Variants in CADM2 observed in about 807,000 individuals in gnomAD.
The protein encoded by CADM2 is cell adhesion molecule 2, also known as immunoglobulin superfamily member 4D.
In CADM2, 12 loss-of-function variants were observed where a neutral mutation model predicts 49.8. That is an observed-to-expected ratio of 0.24 (90% CI 0.15 to 0.39). The LOEUF is 0.39. Ranked by LOEUF, CADM2 falls within the 10% of genes least tolerant of loss-of-function variation. The pLI is 1.00. For missense variants in CADM2, 378 were observed against 492.3 expected, an observed-to-expected ratio of 0.77 and a Z score of 2.20; for synonymous variants, 214 against 175.4, an observed-to-expected ratio of 1.22 and a Z score of -1.74.
intron 1 of CADM2, among the ~76,000 whole-genome samples, chr3:84,993,928 A>C (rs1320020085): frequency 6.6e-6 from 1 of 152,058 alleles, no homozygotes; most frequent in African/African-American, 2.4e-5. Context: ...TTAGTGATAC[A>C]CCCCCAAAAT....
intron 1 of CADM2, among the ~76,000 whole-genome samples, chr3:85,320,700 A>C (rs577290969): frequency 6.6e-6 from 1 of 152,256 alleles, no homozygotes; most frequent in South Asian, 2.1e-4. Context: ...TTCCAATGTC[A>C]GCAATCCCTT....
intron 6 of CADM2, among the ~76,000 whole-genome samples, chr3:85,925,639 T>C (rs1164938298): frequency 6.6e-6 from 1 of 152,128 alleles, no homozygotes; most frequent in Admixed American, 6.5e-5. Context: ...GAGGTGTGGA[T>C]TGAGTTTGAT....
At chr3:85,947,399 C>CTG (rs1013180033) in intron 7 of CADM2, among the ~76,000 whole-genome samples, 5 of 150,726 alleles carry the variant, frequency 3.3e-5, no homozygotes, top group African/African-American at 1.2e-4. Flanking sequence ...GTGTGTGTGT[C>CTG]TGTGTGTGTG....
chr3:85,449,335 C>T (rs1030435186), intron 1 of CADM2, among the ~76,000 whole-genome samples: 2 of 151,484 alleles, frequency 1.3e-5, no homozygotes, highest in African/African-American at 2.4e-5. Flanking sequence ...TGAAATAGCT[C>T]CTGAAAGTTT....
At chr3:84,984,046 TATACACACACACAC>T (rs1321847400) in intron 1 of CADM2, among the ~76,000 whole-genome samples, 2 of 115,638 alleles carry the variant, frequency 1.7e-5, no homozygotes, top group Non-Finnish European at 3.7e-5. Flanking sequence ...TATATATATA[TATACACACACACAC>T]ACACACACAC....
At chr3:85,749,423 A>C (rs1388552435) in intron 2 of CADM2, among the ~76,000 whole-genome samples, 4 of 152,032 alleles carry the variant, frequency 2.6e-5, no homozygotes. Flanking sequence ...CTTTCACAGC[A>C]TAACCCATTT....
rs577082714 is a variant in CADM2, at chr3:85,964,985, T to C, written c.970+3338T>C. Among the ~76,000 whole-genome samples the C allele has an allele frequency of 6.1e-4, 93 of 151,664 alleles. 1 individual carries two copies. Among genetic ancestry groups the C allele is most frequent in the African/African-American group, 2.0e-3 (83 of 41,496 alleles). On this transcript the variant is annotated intron_variant, in intron 8 of 9. Transcript: ENST00000383699. ...TCTTGACCCATTGCTATTCTTAACA[T>C]GTGAAGAACTAGGATCAAGATAAAA...
chr3:85,156,546 A>G (rs1026586213), intron 1 of CADM2, among the ~76,000 whole-genome samples: 3 of 152,062 alleles, frequency 2.0e-5, no homozygotes, highest in Admixed American at 6.5e-5. Context: ...TACCAGAGGT[A>G]CAAGGAGGAA....
chr3:85,409,027 C>G (rs1042353118), intron 1 of CADM2, among the ~76,000 whole-genome samples: 1 of 152,114 alleles, frequency 6.6e-6, no homozygotes, highest in East Asian at 1.9e-4. Flanking sequence ...TCACTACATT[C>G]TCAGTAGTGA....
At chr3:85,584,417 C>T (rs545535808) in intron 1 of CADM2, among the ~76,000 whole-genome samples, 1 of 152,086 alleles carries the variant, frequency 6.6e-6, no homozygotes, top group African/African-American at 2.4e-5. Flanking sequence ...TAATATTATG[C>T]TACCCGTTTA....
At chr3:85,843,904 G>GA (rs1270469575) in intron 3 of CADM2, among the ~76,000 whole-genome samples, 2 of 151,610 alleles carry the variant, frequency 1.3e-5, no homozygotes, top group Non-Finnish European at 2.9e-5. Context: ...GTGTGGGGGG[G>GA]GAGCGGTTAC....
rs1039500650 is a variant in CADM2, at chr3:85,291,736, G to T, written c.61+332068G>T. 6.8e-5 allele frequency among the ~76,000 whole-genome samples: 10 copies of T among 147,444 alleles called. 2 individuals carry two copies. The highest frequency in any genetic ancestry group is 2.7e-4 in the African/African-American group (10 of 37,092). On this transcript the variant is annotated intron_variant, in intron 1 of 9. Transcript: ENST00000383699. ...TAAAATACTTTACAGACAAGCAAAT[G>T]CTGAGAGATTTTGTCACCACCCGGC...
intron 1 of CADM2, among the ~76,000 whole-genome samples, chr3:85,014,277 T>C (rs535181180): frequency 3.0e-4 from 45 of 151,136 alleles, no homozygotes; most frequent in Non-Finnish European, 5.9e-4. Context: ...ATAATATGTT[T>C]AGAGAAAAAG....
At chr3:85,575,526 G>C (rs2062606306) in intron 1 of CADM2, among the ~76,000 whole-genome samples, 1 of 152,088 alleles carries the variant, frequency 6.6e-6, no homozygotes, top group South Asian at 2.1e-4. Flanking sequence ...ACTCCAGCCT[G>C]GGCGACAGAG....
At chr3:85,676,687 T>C (rs1312790153) in intron 1 of CADM2, among the ~76,000 whole-genome samples, 1 of 152,158 alleles carries the variant, frequency 6.6e-6, no homozygotes, top group Non-Finnish European at 1.5e-5. Context: ...AGCCTATTCA[T>C]TAAAAAAACA....
intron 3 of CADM2, among the ~76,000 whole-genome samples, chr3:85,841,663 C>A (rs911049124): frequency 6.6e-6 from 1 of 151,948 alleles, no homozygotes; most frequent in Non-Finnish European, 1.5e-5. Context: ...GACACAATAT[C>A]TGTAGCACAC....
intron 1 of CADM2, among the ~76,000 whole-genome samples, chr3:85,419,632 C>T (rs1256559459): frequency 6.6e-6 from 1 of 152,152 alleles, no homozygotes; most frequent in Non-Finnish European, 1.5e-5. Flanking sequence ...TTTTTCTCTT[C>T]TCCCTACTCC....
chr3:85,974,076 A>G (rs959541692), intron 8 of CADM2, among the ~76,000 whole-genome samples: 1 of 151,740 alleles, frequency 6.6e-6, no homozygotes, highest in African/African-American at 2.4e-5. Flanking sequence ...ATGTTAATTT[A>G]TAAGGCTGAG....
At chr3:85,276,238 T>C (rs778498064) in intron 1 of CADM2, among the ~76,000 whole-genome samples, 8 of 151,374 alleles carry the variant, frequency 5.3e-5, no homozygotes, top group Non-Finnish European at 7.4e-5. Flanking sequence ...CCTTGAATTC[T>C]TCTCTTAACT....
Sources: gnomAD v4.1 joint callset for allele counts (sites outside exome capture counted in the v4.1 genomes callset) on GRCh38, gnomAD v4.1.1 for gene constraint, MANE v1.5 for transcripts, NCBI Gene and HGNC (gene_info 2026-07-23, HGNC 2026-07-21) for gene names.